The following MSRA variants were observed in gnomAD, a reference collection of about 807,000 sequenced individuals.
MSRA encodes the protein mitochondrial peptide methionine sulfoxide reductase.
Under a neutral mutation model 31.3 loss-of-function variants are expected in MSRA, and 54 were observed. The ratio of observed to expected loss-of-function variants is 1.73; its 90% CI spans 1.39 to 2.17. MSRA has a LOEUF of 2.17. MSRA is among the 30% of genes most tolerant of loss of function. The probability of loss-of-function intolerance (pLI) is 0.00; values close to 1 mark genes in which losing one functional copy is unlikely to be tolerated. For missense variants in MSRA, 507 were observed against 300.9 expected, an observed-to-expected ratio of 1.69 and a Z score of -5.07; for synonymous variants, 169 against 116.5, an observed-to-expected ratio of 1.45 and a Z score of -2.90.
intron 2 of MSRA, among the ~76,000 whole-genome samples, chr8:10,238,604 A>G (rs1812146930): frequency 6.6e-6 from 1 of 152,228 alleles, no homozygotes; most frequent in Non-Finnish European, 1.5e-5. Context: ...AAAGCCCAGA[A>G]ACGGGACTAC....
chr8:10,358,579 T>C (rs1363196142), intron 5 of MSRA, among the ~76,000 whole-genome samples: 3 of 46,470 alleles, frequency 6.5e-5, no homozygotes, highest in South Asian at 9.4e-4. Flanking sequence ...TTTTTTTTTT[T>C]TTTTTTTTTT....
chr8:10,114,498 G>T (rs895025573), intron 1 of MSRA, among the ~76,000 whole-genome samples: 5 of 151,474 alleles, frequency 3.3e-5, no homozygotes, highest in African/African-American at 1.2e-4. Context: ...GCCAACACTT[G>T]TTATTATTAT....
chr8:10,099,811 C>T (rs1008686699), intron 1 of MSRA, among the ~76,000 whole-genome samples: 1 of 152,162 alleles, frequency 6.6e-6, no homozygotes, highest in Non-Finnish European at 1.5e-5. Flanking sequence ...TGGGGTGGCC[C>T]TGGACACCGG....
intron 3 of MSRA, among the ~76,000 whole-genome samples, chr8:10,270,520 T>G (rs1208931511): frequency 6.6e-6 from 1 of 152,086 alleles, no homozygotes; most frequent in Non-Finnish European, 1.5e-5. Context: ...GACTGCCAGC[T>G]TGACAGCAGT....
At chr8:10,395,522 G>A (rs1017559025) in intron 5 of MSRA, among the ~76,000 whole-genome samples, 1 of 152,204 alleles carries the variant, frequency 6.6e-6, no homozygotes, top group Non-Finnish European at 1.5e-5. Context: ...AATCAGTCTA[G>A]CAGAGGCCAG....
intron 5 of MSRA, among the ~76,000 whole-genome samples, chr8:10,378,867 C>T (rs1297653577): frequency 6.6e-6 from 1 of 152,188 alleles, no homozygotes; most frequent in Non-Finnish European, 1.5e-5. Flanking sequence ...GTGTGTTCCT[C>T]TTTTATTTAA....
intron 5 of MSRA, among the ~76,000 whole-genome samples, chr8:10,394,964 C>G (rs939998641): frequency 3.3e-5 from 5 of 152,186 alleles, no homozygotes; most frequent in African/African-American, 7.2e-5. Flanking sequence ...GATGATATTG[C>G]CTTTGACACT....
rs759324325 is a variant in MSRA, at chr8:10,319,866, G to A, written c.437-17G>A. ...GCCTAGTGACCGGGTAACCCTCCCT[G>A]TTTTCTGCTTTCCTAGGTATGCGCC... On this transcript the variant is annotated splice_polypyrimidine_tract_variant and intron_variant, in intron 4 of 5. Coordinates refer to ENST00000317173, the MANE Select transcript of MSRA (RefSeq NM_012331.5). 3.4e-6 allele frequency: 5 copies of A among 1,490,094 alleles called. No homozygotes were observed. In the East Asian group the frequency reaches 1.2e-4, roughly 37 times the overall value. The allele number at this position is 1,490,094 out of a possible 1,614,324, so 92.3% of individuals were successfully genotyped here.
At chr8:10,319,316 T>C (rs1423572147) in intron 4 of MSRA, among the ~76,000 whole-genome samples, 1 of 152,180 alleles carries the variant, frequency 6.6e-6, no homozygotes, top group Admixed American at 6.5e-5. Flanking sequence ...AGAAACTGAC[T>C]ATCATCCACC....
At chr8:10,414,463 G>T (rs572124937) in intron 5 of MSRA, among the ~76,000 whole-genome samples, 2 of 152,150 alleles carry the variant, frequency 1.3e-5, no homozygotes, top group African/African-American at 4.8e-5. Context: ...CTTTCCTAGC[G>T]TTGGCACTGA....
chr8:10,128,161 C>G (rs375551331), intron 1 of MSRA, among the ~76,000 whole-genome samples: 3 of 151,914 alleles, frequency 2.0e-5, no homozygotes, highest in African/African-American at 7.3e-5. Flanking sequence ...GTGGATCACC[C>G]GAGATCAGGA....
intron 3 of MSRA, among the ~76,000 whole-genome samples, chr8:10,268,238 C>G (rs955609033): frequency 2.6e-5 from 4 of 152,160 alleles, no homozygotes; most frequent in Admixed American, 1.3e-4. Context: ...CTATAACAAG[C>G]AGTTTATTCA....
intron 5 of MSRA, among the ~76,000 whole-genome samples, chr8:10,408,547 AT>A (rs1358811265): frequency 6.6e-6 from 1 of 152,186 alleles, no homozygotes; most frequent in African/African-American, 2.4e-5. Flanking sequence ...TTCTAAATAA[AT>A]AAGTAATAGA....
At chr8:10,374,726 T>C (rs930234898) in intron 5 of MSRA, among the ~76,000 whole-genome samples, 4 of 152,178 alleles carry the variant, frequency 2.6e-5, no homozygotes, top group African/African-American at 9.7e-5. Context: ...ATGAAAAAAC[T>C]TTGGGATTGA....
At chr8:10,311,505 A>G (rs950408227) in intron 4 of MSRA, among the ~76,000 whole-genome samples, 2 of 152,226 alleles carry the variant, frequency 1.3e-5, no homozygotes, top group Non-Finnish European at 2.9e-5. Flanking sequence ...CACACAAGGA[A>G]CATATTCCAG....
At chr8:10,285,580 A>G (rs556729530) in intron 3 of MSRA, among the ~76,000 whole-genome samples, 25 of 152,268 alleles carry the variant, frequency 1.6e-4, no homozygotes, top group African/African-American at 4.1e-4. Context: ...GTTCTGGAAT[A>G]CTGGAACTTA....
chr8:10,263,368 C>T (rs1291748216), intron 3 of MSRA, among the ~76,000 whole-genome samples: 1 of 152,094 alleles, frequency 6.6e-6, no homozygotes, highest in African/African-American at 2.4e-5. Context: ...TCAGTGCTTA[C>T]CATTCATTCT....
At chr8:10,262,979 A>G (rs1798559372) in intron 3 of MSRA, among the ~76,000 whole-genome samples, 2 of 151,932 alleles carry the variant, frequency 1.3e-5, no homozygotes, top group East Asian at 3.9e-4. Context: ...TGGTCCCTTG[A>G]CTTCCTGCAA....
chr8:10,071,657 G>C (rs565550147), intron 1 of MSRA, among the ~76,000 whole-genome samples: 78 of 151,938 alleles, frequency 5.1e-4, no homozygotes, highest in Non-Finnish European at 8.4e-4. Context: ...TTATATTTAA[G>C]TCTGTGATCC....
Sources: allele counts gnomAD v4.1 joint callset (sites outside exome capture counted in the v4.1 genomes callset), GRCh38; gene constraint gnomAD v4.1.1; transcripts MANE v1.5; gene names NCBI Gene and HGNC (gene_info 2026-07-23, HGNC 2026-07-21).